Variants in FOLH1 observed in about 807,000 individuals in gnomAD.
The protein encoded by FOLH1 is folate hydrolase 1, also known as glutamate carboxypeptidase 2.
Under a neutral mutation model 93.9 loss-of-function variants are expected in FOLH1, and 54 were observed. The ratio of observed to expected loss-of-function variants is 0.57; its 90% CI spans 0.46 to 0.72. The LOEUF is 0.72. Ranked by LOEUF, FOLH1 falls within the 30% of genes least tolerant of loss-of-function variation. The pLI, the probability that FOLH1 is intolerant of heterozygous loss-of-function variation, is 0.00. For synonymous variants in FOLH1, 249 were observed against 303.6 expected (o/e 0.82, Z 1.87); for missense variants, 571 against 892.5 (o/e 0.64, Z 4.59).
intron 4 of FOLH1, among the ~76,000 whole-genome samples, chr11:49,191,202 C>T (rs1336494403): frequency 4.6e-5 from 7 of 152,160 alleles, no homozygotes; most frequent in Non-Finnish European, 1.5e-5. Flanking sequence ...TTAGTAGAGA[C>T]AGGGTTTCAC....
At chr11:49,189,186 C>T (rs61886510) in intron 4 of FOLH1, among the ~76,000 whole-genome samples, 5,114 of 152,140 alleles carry the variant, frequency 0.034, 122 homozygotes, top group Non-Finnish European at 0.051. Flanking sequence ...CATGAAAAAG[C>T]GCACAGGGTA....
chr11:49,165,583 GA>G (rs1858287327), intron 12 of FOLH1, among the ~76,000 whole-genome samples: 1 of 152,184 alleles, frequency 6.6e-6, no homozygotes, highest in Admixed American at 6.5e-5. Context: ...TTGGAGAGGG[GA>G]CTCTTGAACT....
chr11:49,164,672 T>C (rs1421933939), intron 13 of FOLH1, 33 bp downstream of exon 13: 2 of 1,429,822 alleles, frequency 1.4e-6, no homozygotes, highest in Non-Finnish European at 1.9e-6. Context: ...TTTGTAGAAT[T>C]TGGGTTTTCT....
rs149023247 is a variant in FOLH1, at chr11:49,175,900, G to C, written c.978C>G (p.Pro326=). Residue 326 remains proline (P), a synonymous_variant, in exon 8 of 19, where the codon CCC becomes CCG. Coordinates refer to ENST00000256999, the MANE Select transcript of FOLH1 (RefSeq NM_004476.3). ...DSSWRGSLKV[P]YNVGPGFTGN... is the part of the protein sequence containing the mutation. ...CAGTAAAGCCAGGTCCAACATTGTA[G>C]GGCACTTTGAGACTTCCTCTCCAGC... is the stretch of plus-strand genomic sequence containing the variant. 62 of 1,613,676 alleles carry C rather than the reference G, an allele frequency of 3.8e-5. No homozygotes were observed. In the African/African-American group the frequency reaches 6.4e-4, roughly 17 times the overall value.
intron 3 of FOLH1, among the ~76,000 whole-genome samples, chr11:49,197,813 C>A (rs1174778413): frequency 6.6e-6 from 1 of 151,640 alleles, no homozygotes; most frequent in Non-Finnish European, 1.5e-5. Context: ...GAAATAAAAG[C>A]CATATAAGCA....
chr11:49,182,762 A>G (rs1342418948), intron 7 of FOLH1, among the ~76,000 whole-genome samples: 1 of 152,198 alleles, frequency 6.6e-6, no homozygotes, highest in South Asian at 2.1e-4. Context: ...AAAGTTTTGC[A>G]TCAGAGGAGT....
chr11:49,205,786 T>C, intron 2 of FOLH1, among the ~76,000 whole-genome samples: 1 of 152,226 alleles, frequency 6.6e-6, no homozygotes, highest in Non-Finnish European at 1.5e-5. Flanking sequence ...ATGACTTCTT[T>C]TGTGCTGCAA....
At chr11:49,157,260 T>C (rs1857132505) in intron 14 of FOLH1, among the ~76,000 whole-genome samples, 1 of 151,984 alleles carries the variant, frequency 6.6e-6, no homozygotes, top group Non-Finnish European at 1.5e-5. Flanking sequence ...GTTGAAATGA[T>C]GCTTGCATTT....
chr11:49,206,139 T>A lies in FOLH1; in HGVS notation c.152A>T (p.Asn51Ile). Residue 51 changes from asparagine to isoleucine, a missense_variant, in exon 2 of 19, where the codon AAC becomes ATC. Asn to Ile is a moderately radical substitution (Grantham distance 149). This residue lies in a region of FOLH1 where 71 missense variants were observed against 69.6 expected (regional missense o/e 1.02). Coordinates refer to ENST00000256999, the MANE Select transcript of FOLH1 (RefSeq NM_004476.3). ...TTTCATATTATGCTTTGGAGTAATG[T>A]TAGTAGCTTCATTGGAGGATTTTAT... is the stretch of plus-strand genomic sequence containing the variant. ...WFIKSSNEATNITPKHNMKAF... is the reference protein window; with the variant it reads ...WFIKSSNEATIITPKHNMKAF... 5 of 1,612,260 alleles carry A rather than the reference T, an allele frequency of 3.1e-6. No homozygotes were observed. Among genetic ancestry groups the A allele is most frequent in the Non-Finnish European group, 4.2e-6 (5 of 1,179,350 alleles).
At chr11:49,204,192 C>T (rs1346426713) in intron 2 of FOLH1, among the ~76,000 whole-genome samples, 12 of 152,182 alleles carry the variant, frequency 7.9e-5, no homozygotes, top group South Asian at 2.1e-4. Flanking sequence ...AGAAGTCCTA[C>T]GATCACAGTT....
intron 18 of FOLH1, among the ~76,000 whole-genome samples, chr11:49,147,270 T>C (rs1225789906): frequency 6.6e-6 from 1 of 152,156 alleles, no homozygotes; most frequent in Admixed American, 6.6e-5. Flanking sequence ...ACACAGTTGA[T>C]ATTAGTATTT....
At chr11:49,202,336 A>G (rs1863342068) in intron 2 of FOLH1, among the ~76,000 whole-genome samples, 1 of 152,230 alleles carries the variant, frequency 6.6e-6, no homozygotes, top group Non-Finnish European at 1.5e-5. Flanking sequence ...ATTTTCCCAA[A>G]TAGCCAAATT....
intron 3 of FOLH1, among the ~76,000 whole-genome samples, chr11:49,199,955 CT>C (rs1565213394): frequency 1.3e-5 from 2 of 151,824 alleles, no homozygotes; most frequent in African/African-American, 4.8e-5. Flanking sequence ...TAAAGTATCT[CT>C]TTTTATGCTT....
chr11:49,157,848 C>T, intron 14 of FOLH1, 104 bp downstream of exon 14: 4 of 1,097,172 alleles, frequency 3.6e-6, no homozygotes, highest in Admixed American at 2.7e-5. Context: ...GATTTTAGAC[C>T]ATTTTGAAAC....
intron 7 of FOLH1, among the ~76,000 whole-genome samples, chr11:49,180,638 C>G (rs1860615218): frequency 6.6e-6 from 1 of 152,130 alleles, no homozygotes; most frequent in Non-Finnish European, 1.5e-5. Flanking sequence ...CTTGAGAGAA[C>G]CTCAGAATTG....
rs558849374 is a variant in FOLH1, at chr11:49,175,305, C to A, written c.1020-328G>T. ...GAGTTAAATGGGCCCAAAGAGCAGG[C>A]AATAGTTTATAAATAATTCTCTTTG... On this transcript the variant is annotated intron_variant, in intron 8 of 18. Transcript: ENST00000256999. 2.6e-5 allele frequency among the ~76,000 whole-genome samples: 4 copies of A among 152,084 alleles called. No individual in the cohort carries two copies. In the East Asian group the frequency reaches 7.7e-4, roughly 29 times the overall value.
Position 49,146,751 on chromosome 11 carries a change from T to C in FOLH1, c.*5A>G, listed in dbSNP as rs773315602. 2 of 1,596,684 alleles carry C rather than the reference T, an allele frequency of 1.3e-6. No individual in the cohort carries two copies. Among genetic ancestry groups the C allele is most frequent in the African/African-American group, 2.7e-5 (2 of 74,312 alleles). On this transcript the variant is annotated 3_prime_UTR_variant, in exon 19 of 19. Coordinates refer to ENST00000256999, the MANE Select transcript of FOLH1 (RefSeq NM_004476.3). ...AATTCAATACGGATTCTCTAAAGAATCCTCTTAGGCTACTTCACTCAAAGT... is the reference window on the plus strand; with the variant it reads ...AATTCAATACGGATTCTCTAAAGAACCCTCTTAGGCTACTTCACTCAAAGT...
intron 6 of FOLH1, among the ~76,000 whole-genome samples, chr11:49,185,268 T>G (rs1261807506): frequency 6.6e-6 from 1 of 152,132 alleles, no homozygotes; most frequent in East Asian, 1.9e-4. Context: ...AAATTTGACT[T>G]GAGTAGACAT....
intron 3 of FOLH1, among the ~76,000 whole-genome samples, chr11:49,196,858 T>C (rs1241939572): frequency 1.3e-5 from 2 of 152,210 alleles, no homozygotes; most frequent in Admixed American, 1.3e-4. Flanking sequence ...AAACTTCTTT[T>C]CAACATTATA....
Sources: allele counts gnomAD v4.1 joint callset (sites outside exome capture counted in the v4.1 genomes callset), GRCh38; gene constraint gnomAD v4.1.1; regional missense constraint gnomAD v4.1.1; transcripts MANE v1.5; gene names NCBI Gene and HGNC (gene_info 2026-07-23, HGNC 2026-07-21).